BMPR1B: variants seen among roughly 807,000 people sequenced by gnomAD.
BMPR1B encodes bone morphogenetic protein receptor type-1B.
In BMPR1B, 12 loss-of-function variants were observed where a neutral mutation model predicts 59.1. The observed-to-expected ratio is 0.20, with a 90% CI of 0.13 to 0.33. BMPR1B has a LOEUF of 0.33. Among genes scored for constraint, BMPR1B ranks in the 10% least tolerant of loss-of-function variants. BMPR1B has a pLI of 1.00. For synonymous variants in BMPR1B, 237 were observed against 207.3 expected, an observed-to-expected ratio of 1.14 and a Z score of -1.23; for missense variants, 550 against 610.9, an observed-to-expected ratio of 0.90 and a Z score of 1.05.
chr4:95,138,461 T>A (rs1281752897), intron 10 of BMPR1B, among the ~76,000 whole-genome samples: 3 of 152,210 alleles, frequency 2.0e-5, no homozygotes, highest in Non-Finnish European at 4.4e-5. Flanking sequence ...CTTGCCTTGC[T>A]AGGTTGGGGA....
At chr4:94,816,547 A>G (rs547120661) in intron 1 of BMPR1B, among the ~76,000 whole-genome samples, 1 of 152,248 alleles carries the variant, frequency 6.6e-6, no homozygotes, top group African/African-American at 2.4e-5. Flanking sequence ...TGAAGTACGG[A>G]TCTAAATTAG....
At chr4:95,026,138 C>CTTTCTTTCT (rs1724389310) in intron 3 of BMPR1B, among the ~76,000 whole-genome samples, 1 of 147,396 alleles carries the variant, frequency 6.8e-6, no homozygotes, top group Non-Finnish European at 1.5e-5. Flanking sequence ...TTCTTTCTTT[C>CTTTCTTTCT]TTTCTTTCTT....
Position 94,962,046 on chromosome 4 carries a change from T to A in BMPR1B, c.-112-33994T>A, listed in dbSNP as rs1428555062. ...GAAACATAGAAACTAGATTTTATTCTTTCTTTCTTTCTTTTCTTTCTTTTC... is the reference window on the plus strand; with the variant it reads ...GAAACATAGAAACTAGATTTTATTCATTCTTTCTTTCTTTTCTTTCTTTTC... On this transcript the variant is annotated intron_variant, in intron 2 of 12. Transcript: ENST00000515059. Among the ~76,000 whole-genome samples, 4 of 150,880 alleles carry A rather than the reference T, an allele frequency of 2.7e-5. No homozygotes were observed. In the East Asian group the frequency reaches 7.7e-4, roughly 29 times the overall value.
At chr4:95,006,195 C>T (rs927581178) in intron 3 of BMPR1B, among the ~76,000 whole-genome samples, 11 of 151,672 alleles carry the variant, frequency 7.3e-5, no homozygotes, top group Admixed American at 5.3e-4. Flanking sequence ...CCTTTGAACC[C>T]AGGAGGAGGA....
intron 3 of BMPR1B, among the ~76,000 whole-genome samples, chr4:95,079,224 T>C (rs546783889): frequency 6.6e-6 from 1 of 152,312 alleles, no homozygotes; most frequent in East Asian, 1.9e-4. Flanking sequence ...GACAGAATCA[T>C]AAATGTATGT....
chr4:94,983,085 A>G (rs1721196170), intron 2 of BMPR1B, among the ~76,000 whole-genome samples: 1 of 152,034 alleles, frequency 6.6e-6, no homozygotes, highest in South Asian at 2.1e-4. Flanking sequence ...TTCTGCTTGG[A>G]ATGCTCTTCC....
At chr4:94,965,953 T>C (rs373249905) in intron 2 of BMPR1B, among the ~76,000 whole-genome samples, 2 of 152,240 alleles carry the variant, frequency 1.3e-5, no homozygotes, top group Non-Finnish European at 2.9e-5. Flanking sequence ...CATTTGCACA[T>C]AGGGAAAGCA....
intron 3 of BMPR1B, among the ~76,000 whole-genome samples, chr4:95,003,868 C>T (rs1011253846): frequency 9.3e-5 from 11 of 118,354 alleles, no homozygotes; most frequent in African/African-American, 3.6e-4. Flanking sequence ...AGTGCAGTGG[C>T]ACAATCTCAG....
chr4:94,987,181 T>C (rs1256868998), intron 2 of BMPR1B, among the ~76,000 whole-genome samples: 1 of 126,496 alleles, frequency 7.9e-6, no homozygotes, highest in Admixed American at 8.3e-5. Context: ...TGTAATATAC[T>C]ATATATAATA....
intron 2 of BMPR1B, among the ~76,000 whole-genome samples, chr4:94,995,288 G>A (rs1280043894): frequency 6.6e-6 from 1 of 151,862 alleles, no homozygotes; most frequent in Non-Finnish European, 1.5e-5. Context: ...ATAATTTTAG[G>A]TTATATTTTA....
intron 1 of BMPR1B, among the ~76,000 whole-genome samples, chr4:94,871,992 G>T (rs1726516375): frequency 6.6e-6 from 1 of 152,138 alleles, no homozygotes; most frequent in Non-Finnish European, 1.5e-5. Flanking sequence ...TTTTATTCAG[G>T]TTAGGAATAG....
rs1725041082 is a variant in BMPR1B, at chr4:94,840,999, C to A, written c.-182-34832C>A. On this transcript the variant is annotated intron_variant, in intron 1 of 12. Transcript: ENST00000515059. The stretch of plus-strand genomic sequence containing the variant: ...TTCTAACAGACAGGACCCTCAGCTG[C>A]AGGTCTGTTGGAGTACCCTGCCGTG... Among the ~76,000 whole-genome samples, 2 of 147,100 alleles carry A rather than the reference C, an allele frequency of 1.4e-5. 1 individual carries two copies. Among genetic ancestry groups the A allele is most frequent in the South Asian group, 4.4e-4 (2 of 4,554 alleles).
chr4:94,980,239 G>A (rs916388446), intron 2 of BMPR1B, among the ~76,000 whole-genome samples: 1 of 152,158 alleles, frequency 6.6e-6, no homozygotes, highest in African/African-American at 2.4e-5. Flanking sequence ...GTTTCTTTGT[G>A]AATTAACTAT....
intron 3 of BMPR1B, among the ~76,000 whole-genome samples, chr4:95,090,191 A>AAT (rs1452344460): frequency 4.6e-5 from 7 of 152,072 alleles, no homozygotes; most frequent in African/African-American, 1.7e-4. Context: ...CAAAATTTTT[A>AAT]ATATACTTTT....
intron 1 of BMPR1B, among the ~76,000 whole-genome samples, chr4:94,770,157 T>G (rs937154693): frequency 2.0e-5 from 3 of 150,342 alleles, no homozygotes; most frequent in Non-Finnish European, 4.4e-5. Flanking sequence ...TGTTTTTATT[T>G]GTTTGAATTG....
intron 1 of BMPR1B, among the ~76,000 whole-genome samples, chr4:94,793,308 A>G (rs1302492763): frequency 6.6e-6 from 1 of 151,634 alleles, no homozygotes; most frequent in Non-Finnish European, 1.5e-5. Context: ...GAGAATGATG[A>G]TTTCCAGTTT....
At chr4:95,052,744 T>C (rs1726599322) in intron 3 of BMPR1B, among the ~76,000 whole-genome samples, 1 of 152,202 alleles carries the variant, frequency 6.6e-6, no homozygotes, top group Non-Finnish European at 1.5e-5. Context: ...AGTTTTTAAT[T>C]TCTGTATATA....
At chr4:94,799,975 C>A (rs537609897) in intron 1 of BMPR1B, among the ~76,000 whole-genome samples, 10 of 152,258 alleles carry the variant, frequency 6.6e-5, no homozygotes, top group African/African-American at 2.4e-4. Flanking sequence ...CAGGCATGAG[C>A]CACTGTGCCC....
intron 3 of BMPR1B, among the ~76,000 whole-genome samples, chr4:95,001,505 C>T (rs970752556): frequency 6.6e-6 from 1 of 152,118 alleles, no homozygotes; most frequent in Non-Finnish European, 1.5e-5. Flanking sequence ...CACAAACATT[C>T]ATTCAATAGA....
Sources: allele counts gnomAD v4.1 joint callset (sites outside exome capture counted in the v4.1 genomes callset), GRCh38; gene constraint gnomAD v4.1.1; transcripts MANE v1.5; gene names NCBI Gene and HGNC (gene_info 2026-07-23, HGNC 2026-07-21).